Variants in AUTS2 observed in about 807,000 individuals in gnomAD.
AUTS2 encodes the protein autism susceptibility gene 2 protein.
In AUTS2, 17 loss-of-function variants were observed where a neutral mutation model predicts 112.4. The observed-to-expected ratio is 0.15, with a 90% CI of 0.10 to 0.23. AUTS2 has a LOEUF of 0.23. AUTS2 is among the 10% of genes least tolerant of loss of function. The pLI, the probability that AUTS2 is intolerant of heterozygous loss-of-function variation, is 1.00. For missense variants in AUTS2, 1,510 were observed against 1,701.6 expected (o/e 0.89, Z 1.98); for synonymous variants, 751 against 702.7 (o/e 1.07, Z -1.09).
At chr7:69,798,634 G>A (rs952773984) in intron 1 of AUTS2, among the ~76,000 whole-genome samples, 2 of 152,162 alleles carry the variant, frequency 1.3e-5, no homozygotes, top group African/African-American at 4.8e-5. Flanking sequence ...GAAGTCTTGT[G>A]CACCATTAGT....
intron 2 of AUTS2, among the ~76,000 whole-genome samples, chr7:70,091,643 GTTC>G (rs1406905357): frequency 6.6e-6 from 1 of 152,146 alleles, no homozygotes; most frequent in African/African-American, 2.4e-5. Context: ...TACAGTCACT[GTTC>G]TTCTTTTTGG....
At chr7:70,634,534 A>C (rs540197803) in intron 5 of AUTS2, among the ~76,000 whole-genome samples, 2 of 152,188 alleles carry the variant, frequency 1.3e-5, no homozygotes, top group Non-Finnish European at 2.9e-5. Context: ...TCTAGAGTGC[A>C]TGCATTCAGA....
chr7:70,544,920 G>A (rs1002474871), intron 5 of AUTS2, among the ~76,000 whole-genome samples: 49 of 152,066 alleles, frequency 3.2e-4, no homozygotes, highest in African/African-American at 1.0e-3. Context: ...GGGACTGAGC[G>A]TGATCCAAGG....
intron 5 of AUTS2, among the ~76,000 whole-genome samples, chr7:70,510,881 C>T (rs1040845006): frequency 6.6e-6 from 1 of 151,892 alleles, no homozygotes; most frequent in Non-Finnish European, 1.5e-5. Flanking sequence ...CGGAATCTTG[C>T]TCTGTCACCC....
At chr7:70,023,208 G>A (rs983362292) in intron 2 of AUTS2, among the ~76,000 whole-genome samples, 3 of 152,276 alleles carry the variant, frequency 2.0e-5, no homozygotes, top group Non-Finnish European at 2.9e-5. Flanking sequence ...CATTATCACC[G>A]ATAATAAATG....
At chr7:69,740,670 C>T (rs552552972) in intron 1 of AUTS2, among the ~76,000 whole-genome samples, 2 of 151,992 alleles carry the variant, frequency 1.3e-5, no homozygotes, top group East Asian at 1.9e-4. Flanking sequence ...ATTACAGGCG[C>T]CTGCCACCAT....
chr7:70,065,022 A>T (rs1321839129), intron 2 of AUTS2, among the ~76,000 whole-genome samples: 1 of 152,168 alleles, frequency 6.6e-6, no homozygotes, highest in African/African-American at 2.4e-5. Flanking sequence ...GAATGACCAA[A>T]TGATTGAACA....
intron 1 of AUTS2, among the ~76,000 whole-genome samples, chr7:69,661,672 G>A (rs1795804497): frequency 6.6e-6 from 1 of 152,320 alleles, no homozygotes; most frequent in African/African-American, 2.4e-5. Context: ...TGTTGTTTTG[G>A]TCTCATGGTT....
At chr7:70,595,888 G>A (rs1803171893) in intron 5 of AUTS2, among the ~76,000 whole-genome samples, 1 of 152,186 alleles carries the variant, frequency 6.6e-6, no homozygotes, top group South Asian at 2.1e-4. Flanking sequence ...ACTGAGCCGC[G>A]GGCTGCTTCG....
chr7:70,326,917 CTTTTTT>C (rs552893729), intron 4 of AUTS2, among the ~76,000 whole-genome samples: 1 of 120,686 alleles, frequency 8.3e-6, no homozygotes, highest in South Asian at 2.7e-4. Context: ...ATGCTTGGTT[CTTTTTT>C]TTTTTTTTTT....
At position 70,342,433 on chromosome 7, in the gene AUTS2, C is replaced by G. The variant is rs186624863; in HGVS notation, c.661-93319C>G. 2.0e-3 allele frequency among the ~76,000 whole-genome samples: 303 copies of G among 151,734 alleles called. 2 individuals carry two copies. The highest frequency in any genetic ancestry group is 4.0e-3 in the Non-Finnish European group (271 of 67,974). ...GCAGAAAATGGGCATCCTTGCTCAT[C>G]AGGCTACAGAGGGTGACAATATTGA... On this transcript the variant is annotated intron_variant, in intron 4 of 18. Transcript: ENST00000342771.
chr7:69,817,533 G>T (rs917428997), intron 1 of AUTS2, among the ~76,000 whole-genome samples: 5 of 152,100 alleles, frequency 3.3e-5, no homozygotes, highest in African/African-American at 1.2e-4. Context: ...AGATTCCAAG[G>T]TTCTGGTGTG....
chr7:70,177,429 C>T (rs752457096), intron 4 of AUTS2, among the ~76,000 whole-genome samples: 4 of 152,168 alleles, frequency 2.6e-5, no homozygotes, highest in South Asian at 2.1e-4. Flanking sequence ...TGAATGTGTG[C>T]GTGGTGGTTA....
intron 2 of AUTS2, among the ~76,000 whole-genome samples, chr7:69,985,246 AAG>A (rs1798460739): frequency 6.6e-6 from 1 of 151,032 alleles, no homozygotes; most frequent in South Asian, 2.1e-4. Context: ...AAAAAAAAAA[AAG>A]AAAGGAAAAG....
At chr7:70,603,947 T>C (rs1024556176) in intron 5 of AUTS2, among the ~76,000 whole-genome samples, 11 of 152,106 alleles carry the variant, frequency 7.2e-5, no homozygotes, top group African/African-American at 2.7e-4. Flanking sequence ...GATTGGCATA[T>C]AATGATGCCA....
intron 5 of AUTS2, among the ~76,000 whole-genome samples, chr7:70,590,418 C>T (rs546005113): frequency 1.3e-5 from 2 of 152,208 alleles, no homozygotes; most frequent in East Asian, 1.9e-4. Context: ...CCCCTATCTC[C>T]CTAGAGGTTG....
intron 5 of AUTS2, among the ~76,000 whole-genome samples, chr7:70,662,149 G>A (rs1028060039): frequency 6.6e-6 from 1 of 152,248 alleles, no homozygotes; most frequent in African/African-American, 2.4e-5. Context: ...TTGAAAGTTG[G>A]CCCCGAGTGG....
At chr7:70,280,662 C>T (rs1293119551) in intron 4 of AUTS2, among the ~76,000 whole-genome samples, 1 of 152,062 alleles carries the variant, frequency 6.6e-6, no homozygotes, top group Non-Finnish European at 1.5e-5. Context: ...ACTATAAACA[C>T]TTGGAGGTCT....
chr7:69,881,470 C>CT (rs1015465573), intron 1 of AUTS2, among the ~76,000 whole-genome samples: 9 of 151,604 alleles, frequency 5.9e-5, no homozygotes, highest in Admixed American at 5.9e-4. Flanking sequence ...CATTTATTTT[C>CT]TTTTTGGAAA....
Sources: allele counts gnomAD v4.1 joint callset (sites outside exome capture counted in the v4.1 genomes callset), GRCh38; gene constraint gnomAD v4.1.1; transcripts MANE v1.5; gene names NCBI Gene and HGNC (gene_info 2026-07-23, HGNC 2026-07-21).